The following STK32A variants were observed in gnomAD, a reference collection of about 807,000 sequenced individuals.
The protein encoded by STK32A is serine/threonine kinase 32A, also known as serine/threonine-protein kinase 32A.
A neutral mutation model predicts 53.2 loss-of-function variants in STK32A; 41 were observed. The ratio of observed to expected loss-of-function variants is 0.77; its 90% CI spans 0.60 to 1.00. The LOEUF (loss-of-function observed/expected upper bound fraction) is 1.00, where lower values mean the gene tolerates loss of function less well. STK32A is among the 50% of genes least tolerant of loss of function. STK32A has a pLI of 0.00. For synonymous variants in STK32A, 166 were observed against 162.8 expected (o/e 1.02, Z -0.15); for missense variants, 458 against 485.8 (o/e 0.94, Z 0.54).
At chr5:147,327,053 T>C (rs745398995) in intron 5 of STK32A, among the ~76,000 whole-genome samples, 6 of 152,206 alleles carry the variant, frequency 3.9e-5, no homozygotes, top group Non-Finnish European at 7.3e-5. Flanking sequence ...AGTGTTCTGA[T>C]AACCAGGATT....
At chr5:147,296,920 A>G (rs1366188197) in intron 4 of STK32A, among the ~76,000 whole-genome samples, 1 of 152,068 alleles carries the variant, frequency 6.6e-6, no homozygotes, top group East Asian at 1.9e-4. Flanking sequence ...GAAGCTCTTT[A>G]ATGAACAGGG....
chr5:147,284,250 T>C (rs1304385211), intron 4 of STK32A, among the ~76,000 whole-genome samples: 1 of 151,810 alleles, frequency 6.6e-6, no homozygotes, highest in African/African-American at 2.4e-5. Flanking sequence ...CTCAGCAAAA[T>C]CAGCATACAA....
At chr5:147,307,769 G>A (rs1581069402) in intron 4 of STK32A, among the ~76,000 whole-genome samples, 1 of 151,686 alleles carries the variant, frequency 6.6e-6, no homozygotes. Context: ...ATATAAATAA[G>A]TAATTGACCC....
intron 12 of STK32A, 23 bp from the exon 13 acceptor site, chr5:147,383,867 T>C (rs1757549144): frequency 5.0e-6 from 7 of 1,413,988 alleles, no homozygotes; most frequent in Non-Finnish European, 6.7e-6. Flanking sequence ...ATAAAACATC[T>C]TTTTTTTTCT....
chr5:147,277,221 C>G (rs1009921672), intron 2 of STK32A, among the ~76,000 whole-genome samples: 3 of 152,120 alleles, frequency 2.0e-5, no homozygotes, highest in African/African-American at 4.8e-5. Context: ...TGGAATTTAA[C>G]TCATCTAAAT....
At chr5:147,325,925 G>T (rs1469780207) in intron 5 of STK32A, among the ~76,000 whole-genome samples, 1 of 152,160 alleles carries the variant, frequency 6.6e-6, no homozygotes, top group Non-Finnish European at 1.5e-5. Flanking sequence ...AGAAGGCAGT[G>T]ACCTTGAGAA....
chr5:147,258,447 A>G (rs1754337903), intron 2 of STK32A, among the ~76,000 whole-genome samples: 1 of 152,164 alleles, frequency 6.6e-6, no homozygotes, highest in East Asian at 1.9e-4. Flanking sequence ...CCTTGCACAT[A>G]AACTGTTTCT....
chr5:147,326,268 T>C (rs1195123265), intron 5 of STK32A, among the ~76,000 whole-genome samples: 1 of 152,180 alleles, frequency 6.6e-6, no homozygotes, highest in Non-Finnish European at 1.5e-5. Flanking sequence ...TTCAATCACA[T>C]CCACAGTTAT....
chr5:147,297,506 A>G (rs1489456893), intron 4 of STK32A, among the ~76,000 whole-genome samples: 1 of 152,166 alleles, frequency 6.6e-6, no homozygotes, highest in Non-Finnish European at 1.5e-5. Context: ...TTTTTTGTAA[A>G]TCCTTCAGGA....
chr5:147,342,950 C>G, intron 5 of STK32A, 56 bp from the exon 6 acceptor site: 3 of 1,583,514 alleles, frequency 1.9e-6, no homozygotes, highest in Admixed American at 1.7e-5. Context: ...GCCCCTACCC[C>G]TTAGTTCTGT....
chr5:147,381,374 G>A (rs1757445478), intron 11 of STK32A, among the ~76,000 whole-genome samples: 1 of 152,094 alleles, frequency 6.6e-6, no homozygotes, highest in Non-Finnish European at 1.5e-5. Flanking sequence ...TGGACATGGT[G>A]GCTCACACCT....
intron 4 of STK32A, among the ~76,000 whole-genome samples, chr5:147,282,214 A>C (rs2151956428): frequency 6.6e-6 from 1 of 152,184 alleles, no homozygotes; most frequent in South Asian, 2.1e-4. Flanking sequence ...CAAAAACAAA[A>C]CCAAAAAAAT....
At chr5:147,398,549 G>A in the STK32A span, among the ~76,000 whole-genome samples, 1 of 152,190 alleles carries the variant, frequency 6.6e-6, no homozygotes, top group African/African-American at 2.4e-5. Flanking sequence ...TTTAACAACA[G>A]TGTCGAGCCC....
chr5:147,401,419 C>T, the STK32A span: 11 of 1,157,440 alleles, frequency 9.5e-6, no homozygotes, highest in South Asian at 1.7e-5. Flanking sequence ...ATTCCCAATA[C>T]ACTGTTCACA....
chr5:147,244,176 AT>A (rs1021853521), intron 2 of STK32A, among the ~76,000 whole-genome samples: 5 of 152,198 alleles, frequency 3.3e-5, no homozygotes, highest in African/African-American at 1.2e-4. Flanking sequence ...TTTAGCATAT[AT>A]TTTTAAGGTT....
rs984298293 is a variant in STK32A at position 147,355,792 on chromosome 5, G to GTGTGTGTA, written c.562+4639_562+4640insGTGTGTAT. ...TATGTATGTGTGTGAGTGTGTGTGT[G>GTGTGTGTA]TATATATATATATATATATAAATAA... On this transcript the variant is annotated intron_variant, in intron 7 of 12. Coordinates refer to ENST00000397936, the MANE Select transcript of STK32A (RefSeq NM_001112724.2). Among the ~76,000 whole-genome samples, 725 of 147,828 alleles carry GTGTGTGTA rather than the reference G, an allele frequency of 4.9e-3. 9 individuals carry two copies. The highest frequency in any genetic ancestry group is 0.041 in the Admixed American group (613 of 14,920).
At chr5:147,284,581 G>A (rs902759449) in intron 4 of STK32A, among the ~76,000 whole-genome samples, 4 of 151,634 alleles carry the variant, frequency 2.6e-5, no homozygotes, top group African/African-American at 9.7e-5. Context: ...CAAGATTAAT[G>A]TACACAAATC....
chr5:147,345,089 C>T (rs1173537538), intron 6 of STK32A, among the ~76,000 whole-genome samples: 1 of 152,200 alleles, frequency 6.6e-6, no homozygotes, highest in Non-Finnish European at 1.5e-5. Flanking sequence ...AATTGTGTAA[C>T]AGTGTGGTTA....
intron 1 of STK32A, among the ~76,000 whole-genome samples, chr5:147,237,362 G>A (rs1753368424): frequency 1.3e-5 from 2 of 151,966 alleles, no homozygotes; most frequent in South Asian, 4.2e-4. Context: ...TCTTTCTAGT[G>A]CCATCAGTGG....
Sources: allele counts gnomAD v4.1 joint callset (sites outside exome capture counted in the v4.1 genomes callset), GRCh38; gene constraint gnomAD v4.1.1; transcripts MANE v1.5; gene names NCBI Gene and HGNC (gene_info 2026-07-23, HGNC 2026-07-21).